Variants in TENM3 observed in about 807,000 individuals in gnomAD.
TENM3 encodes teneurin transmembrane protein 3.
Under a neutral mutation model 255.1 loss-of-function variants are expected in TENM3, and 63 were observed. The observed-to-expected ratio is 0.25, with a 90% CI of 0.20 to 0.30. The LOEUF is 0.30. Among genes scored for constraint, TENM3 ranks in the 10% least tolerant of loss-of-function variants. The pLI, the probability that TENM3 is intolerant of heterozygous loss-of-function variation, is 1.00. For synonymous variants in TENM3, 1,306 were observed against 1,322.3 expected (o/e 0.99, Z 0.27); for missense variants, 2,929 against 3,461.1 (o/e 0.85, Z 3.86).
chr4:181,506,737 G>A, the TENM3 span, among the ~76,000 whole-genome samples: 3 of 151,690 alleles, frequency 2.0e-5, no homozygotes, highest in African/African-American at 7.2e-5. Flanking sequence ...CCAAAAGACA[G>A]AATCACCACC....
chr4:182,431,355 G>A (rs190866904), intron 3 of TENM3, among the ~76,000 whole-genome samples: 2,083 of 151,836 alleles, frequency 0.014, 32 homozygotes, highest in African/African-American at 0.043. Context: ...TTAGCTGGGC[G>A]TGGTGGCACA....
chr4:182,678,675 T>C (rs1255332450), intron 7 of TENM3, among the ~76,000 whole-genome samples: 1 of 152,176 alleles, frequency 6.6e-6, no homozygotes, highest in African/African-American at 2.4e-5. Context: ...GTGCAAATGT[T>C]AAAGCCTTCC....
At chr4:181,857,214 C>A in the TENM3 span, among the ~76,000 whole-genome samples, 1 of 151,862 alleles carries the variant, frequency 6.6e-6, no homozygotes. Flanking sequence ...TAAGAAAGAC[C>A]TCATTGAAGA....
intron 1 of TENM3, among the ~76,000 whole-genome samples, chr4:182,321,981 C>T (rs1005170016): frequency 1.6e-4 from 24 of 152,114 alleles, no homozygotes; most frequent in African/African-American, 5.1e-4. Context: ...TAATACTTCT[C>T]TTTGTTGGAA....
chr4:182,616,917 C>G (rs557308524), intron 4 of TENM3, among the ~76,000 whole-genome samples: 1 of 152,182 alleles, frequency 6.6e-6, no homozygotes, highest in African/African-American at 2.4e-5. Context: ...TAATAGCTGC[C>G]AGAAATTTCC....
chr4:181,489,963 C>T, the TENM3 span, among the ~76,000 whole-genome samples: 1 of 152,034 alleles, frequency 6.6e-6, no homozygotes, highest in African/African-American at 2.4e-5. Flanking sequence ...TTGTAGTATG[C>T]TTGCACAGAA....
At chr4:181,494,439 C>G in the TENM3 span, among the ~76,000 whole-genome samples, 2 of 152,086 alleles carry the variant, frequency 1.3e-5, no homozygotes, top group South Asian at 2.1e-4. Context: ...TGTCCGCCAC[C>G]ACGCCCAGCT....
Position 182,736,885 on chromosome 4 carries a change from G to A in TENM3, c.3045G>A (p.Lys1015=). 1 of 1,613,708 alleles carries A rather than the reference G, an allele frequency of 6.2e-7. No individual in the cohort carries two copies. The highest frequency in any genetic ancestry group is 1.1e-5 in the South Asian group (1 of 91,066). Reference sequence around the variant, plus strand: ...TGAGTTCCAGAGCTGCAGGGTATAAGTCAGTTCTCAAGATCACCATGACCC... The same window carrying A: ...TGAGTTCCAGAGCTGCAGGGTATAAATCAGTTCTCAAGATCACCATGACCC... ...SYLSSRAAGY[K]SVLKITMTQS... Residue 1015 remains lysine, a synonymous_variant, in exon 17 of 28, where the codon AAG becomes AAA. Coordinates refer to ENST00000511685, the MANE Select transcript of TENM3 (RefSeq NM_001080477.4).
the TENM3 span, among the ~76,000 whole-genome samples, chr4:181,448,698 G>A: frequency 6.6e-6 from 1 of 152,130 alleles, no homozygotes; most frequent in Non-Finnish European, 1.5e-5. Context: ...CATAAAAGCA[G>A]TTTATTTCAG....
the TENM3 span, among the ~76,000 whole-genome samples, chr4:181,744,387 C>G: frequency 6.1e-4 from 93 of 152,282 alleles, no homozygotes; most frequent in Middle Eastern, 3.4e-3. Context: ...GCCTCTAGGT[C>G]TTTGAGGAAT....
At chr4:182,207,873 C>A (rs1459153228) in intron 1 of TENM3, among the ~76,000 whole-genome samples, 1 of 152,184 alleles carries the variant, frequency 6.6e-6, no homozygotes, top group African/African-American at 2.4e-5. Flanking sequence ...CTTCTTTTGG[C>A]ATCACAGCTG....
At chr4:182,044,260 C>A in the TENM3 span, among the ~76,000 whole-genome samples, 1 of 152,008 alleles carries the variant, frequency 6.6e-6, no homozygotes, top group Non-Finnish European at 1.5e-5. Flanking sequence ...AAAACACACA[C>A]CAACAAAAAG....
rs749502938 is a variant in TENM3 at position 182,793,410 on chromosome 4, G to A, written c.6738G>A (p.Leu2246=). ...VSSKTSLGQH[L]QFFYADLTYP... Reference sequence around the variant, plus strand: ...GCAAAACCAGTCTAGGACAGCACCTGCAGTTTTTTTATGCTGACTTAACTT... The same window carrying A: ...GCAAAACCAGTCTAGGACAGCACCTACAGTTTTTTTATGCTGACTTAACTT... Residue 2246 remains leucine, a synonymous_variant, in exon 26 of 28, where the codon CTG becomes CTA. Transcript: ENST00000511685. This position sits in a 1 kb window ranked among gnomAD's most constrained non-coding sequence, Gnocchi z 5.7. The A allele has an allele frequency of 4.3e-6, 7 of 1,613,982 alleles. No homozygotes were observed. Among genetic ancestry groups the A allele is most frequent in the South Asian group, 1.1e-5 (1 of 91,086 alleles).
At chr4:181,849,949 T>TCTCTCACACACACACACACACACACA in the TENM3 span, among the ~76,000 whole-genome samples, 176 of 65,904 alleles carry the variant, frequency 2.7e-3, 2 homozygotes, top group Non-Finnish European at 4.3e-3. Flanking sequence ...TCTCTCTCTC[T>TCTCTCACACACACACACACACACACA]CACACACACA....
At chr4:181,794,311 C>A in the TENM3 span, among the ~76,000 whole-genome samples, 11 of 151,288 alleles carry the variant, frequency 7.3e-5, no homozygotes, top group Admixed American at 4.0e-4. Flanking sequence ...CAGTTAAGAT[C>A]TGCTCTCTTG....
chr4:181,824,929 A>T, the TENM3 span, among the ~76,000 whole-genome samples: 1 of 152,178 alleles, frequency 6.6e-6, no homozygotes, highest in Admixed American at 6.5e-5. Context: ...ACATTTGAGG[A>T]CAGACTCAGT....
the TENM3 span, among the ~76,000 whole-genome samples, chr4:181,872,662 G>T: frequency 6.5e-4 from 99 of 152,056 alleles, no homozygotes; most frequent in African/African-American, 2.2e-3. Flanking sequence ...TTCATTTTTT[G>T]ATATTGATTA....
At chr4:181,732,971 T>C in the TENM3 span, among the ~76,000 whole-genome samples, 1 of 152,214 alleles carries the variant, frequency 6.6e-6, no homozygotes. Context: ...CTTTATCCAT[T>C]ATTTATTGAG....
the TENM3 span, among the ~76,000 whole-genome samples, chr4:181,633,195 T>C: frequency 6.6e-6 from 1 of 152,190 alleles, no homozygotes; most frequent in African/African-American, 2.4e-5. Context: ...GCAACAAACT[T>C]GCAACGGTAG....
Sources: gnomAD v4.1 joint callset for allele counts (sites outside exome capture counted in the v4.1 genomes callset) on GRCh38, gnomAD v4.1.1 for gene constraint, Gnocchi (gnomAD v3.1) non-coding constraint, MANE v1.5 for transcripts, NCBI Gene and HGNC (gene_info 2026-07-23, HGNC 2026-07-21) for gene names.